Variants in SMYD3 observed in about 807,000 individuals in gnomAD.
SMYD3 encodes SET and MYND domain containing 3.
In SMYD3, 36 loss-of-function variants were observed where a neutral mutation model predicts 57.7. The ratio of observed to expected loss-of-function variants is 0.62; its 90% CI spans 0.48 to 0.82. SMYD3 has a LOEUF of 0.82. SMYD3 is among the 40% of genes least tolerant of loss of function. SMYD3 has a pLI of 0.00. For missense variants in SMYD3, 515 were observed against 538.8 expected, an observed-to-expected ratio of 0.96 and a Z score of 0.44; for synonymous variants, 211 against 195.0, an observed-to-expected ratio of 1.08 and a Z score of -0.68.
chr1:246,092,822 A>G (rs536706972), intron 5 of SMYD3, among the ~76,000 whole-genome samples: 1 of 152,314 alleles, frequency 6.6e-6, no homozygotes, highest in East Asian at 1.9e-4. Flanking sequence ...GTAAAGAGAC[A>G]GAATGGGAGA....
At chr1:245,799,447 T>A (rs2148230703) in intron 10 of SMYD3, among the ~76,000 whole-genome samples, 1 of 152,388 alleles carries the variant, frequency 6.6e-6, no homozygotes, top group Non-Finnish European at 1.5e-5. Flanking sequence ...GCAAGTGCTG[T>A]TATAGTCCCT....
intron 1 of SMYD3, among the ~76,000 whole-genome samples, chr1:246,491,005 T>A (rs1447422064): frequency 6.6e-6 from 1 of 152,248 alleles, no homozygotes; most frequent in African/African-American, 2.4e-5. Context: ...ATTCTGAGGA[T>A]AATCTGAAGA....
intron 5 of SMYD3, among the ~76,000 whole-genome samples, chr1:246,211,943 C>T (rs1395674401): frequency 6.7e-6 from 1 of 149,044 alleles, no homozygotes; most frequent in African/African-American, 2.5e-5. Flanking sequence ...TAAATAAATA[C>T]AGAAGAATAC....
intron 5 of SMYD3, among the ~76,000 whole-genome samples, chr1:245,945,829 G>A (rs1343812542): frequency 6.6e-6 from 1 of 152,146 alleles, no homozygotes; most frequent in Non-Finnish European, 1.5e-5. Flanking sequence ...GATGGAACTG[G>A]AAGTCAATAT....
At chr1:245,905,845 T>C (rs904073250) in intron 8 of SMYD3, among the ~76,000 whole-genome samples, 4 of 152,042 alleles carry the variant, frequency 2.6e-5, no homozygotes, top group Non-Finnish European at 5.9e-5. Flanking sequence ...GAAACAAATA[T>C]ACACACCTAT....
intron 5 of SMYD3, among the ~76,000 whole-genome samples, chr1:246,009,202 G>T (rs80341640): frequency 6.6e-6 from 1 of 152,116 alleles, no homozygotes; most frequent in Non-Finnish European, 1.5e-5. Context: ...CCTTCAAGGC[G>T]CTCACAATGC....
intron 10 of SMYD3, among the ~76,000 whole-genome samples, chr1:245,767,077 G>T (rs1467702055): frequency 6.6e-6 from 1 of 152,202 alleles, no homozygotes; most frequent in Non-Finnish European, 1.5e-5. Flanking sequence ...GCTCACTCCT[G>T]CTGGGAGACA....
chr1:246,036,720 A>ATTTTTTTTTTTTTTTTTTTTT (rs546300378), intron 5 of SMYD3, among the ~76,000 whole-genome samples: 1 of 110,500 alleles, frequency 9.0e-6, no homozygotes, highest in Non-Finnish European at 1.7e-5. Context: ...AGCCCGGCTA[A>ATTTTTTTTTTTTTTTTTTTTT]TTTTTTTTTT....
intron 5 of SMYD3, among the ~76,000 whole-genome samples, chr1:245,997,952 G>C (rs6694105): frequency 0.65 from 98,460 of 151,678 alleles, 35,018 homozygotes; most frequent in Non-Finnish European, 0.8. Context: ...TCTGGCAATT[G>C]CCAGACAAAC....
At position 245,883,587 on chromosome 1, in the gene SMYD3, C is replaced by T. The variant is rs538352370; in HGVS notation, c.814-19701G>A. ...TAATAATTTCTTTCTTTTGGGGTCC[C>T]AACGCTAAAAGACTATTACTTCTTT... On this transcript the variant is annotated intron_variant, in intron 8 of 11. Coordinates refer to ENST00000490107, the MANE Select transcript of SMYD3 (RefSeq NM_001167740.2). 1.7e-4 allele frequency among the ~76,000 whole-genome samples: 26 copies of T among 152,122 alleles called. No homozygotes were observed. In the East Asian group the frequency reaches 3.9e-3, roughly 23 times the overall value.
intron 5 of SMYD3, among the ~76,000 whole-genome samples, chr1:245,980,220 T>TTGCTTTAC: frequency 6.6e-6 from 1 of 152,222 alleles, no homozygotes; most frequent in Non-Finnish European, 1.5e-5. Flanking sequence ...GATTTTTCAT[T>TTGCTTTAC]TGCTTTACTG....
intron 5 of SMYD3, among the ~76,000 whole-genome samples, chr1:246,192,057 A>C (rs960303223): frequency 2.0e-5 from 3 of 152,204 alleles, no homozygotes; most frequent in Non-Finnish European, 2.9e-5. Flanking sequence ...ACTTTCACTT[A>C]AAAGTTGGAT....
chr1:246,131,396 A>C (rs1452383780), intron 5 of SMYD3, among the ~76,000 whole-genome samples: 1 of 152,208 alleles, frequency 6.6e-6, no homozygotes, highest in Non-Finnish European at 1.5e-5. Flanking sequence ...AGAAGGAATA[A>C]GGGTGAAATG....
intron 5 of SMYD3, among the ~76,000 whole-genome samples, chr1:246,169,818 C>T (rs1252443753): frequency 6.6e-6 from 1 of 151,536 alleles, no homozygotes; most frequent in Non-Finnish European, 1.5e-5. Flanking sequence ...GCAGGAGAAT[C>T]GCTTGAACCC....
At chr1:246,177,607 A>G (rs150334889) in intron 5 of SMYD3, among the ~76,000 whole-genome samples, 13 of 152,320 alleles carry the variant, frequency 8.5e-5, no homozygotes, top group African/African-American at 3.1e-4. Context: ...TAAATGAGCA[A>G]GGAAGGAGTG....
intron 5 of SMYD3, among the ~76,000 whole-genome samples, chr1:246,056,420 C>T (rs2060152406): frequency 1.3e-5 from 2 of 151,926 alleles, no homozygotes; most frequent in African/African-American, 4.8e-5. Flanking sequence ...CTGAGTGTTA[C>T]AGGTTTATGG....
At chr1:246,415,041 T>C (rs917247996) in intron 1 of SMYD3, among the ~76,000 whole-genome samples, 24 of 152,282 alleles carry the variant, frequency 1.6e-4, no homozygotes, top group African/African-American at 5.3e-4. Context: ...GACATCCACA[T>C]TGGGTAAATC....
intron 10 of SMYD3, among the ~76,000 whole-genome samples, chr1:245,829,648 T>G (rs1175437132): frequency 6.6e-6 from 1 of 152,168 alleles, no homozygotes; most frequent in African/African-American, 2.4e-5. Flanking sequence ...GATATACACT[T>G]GAAAAAAATT....
intron 5 of SMYD3, among the ~76,000 whole-genome samples, chr1:246,045,477 T>C (rs1558179180): frequency 6.6e-6 from 1 of 152,020 alleles, no homozygotes; most frequent in Non-Finnish European, 1.5e-5. Context: ...ATACAAAAAT[T>C]AATTCAAGAT....
Sources: gnomAD v4.1 joint callset for allele counts (sites outside exome capture counted in the v4.1 genomes callset) on GRCh38, gnomAD v4.1.1 for gene constraint, MANE v1.5 for transcripts, NCBI Gene and HGNC (gene_info 2026-07-23, HGNC 2026-07-21) for gene names.